TTLL9: variants seen among roughly 807,000 people sequenced by gnomAD.
TTLL9 encodes probable tubulin polyglutamylase TTLL9.
Under a neutral mutation model 65.6 loss-of-function variants are expected in TTLL9, and 47 were observed. That is an observed-to-expected ratio of 0.72 (90% CI 0.57 to 0.91). The LOEUF (loss-of-function observed/expected upper bound fraction) is 0.91. TTLL9 is among the 40% of genes least tolerant of loss of function. The probability of loss-of-function intolerance (pLI) is 0.00; values close to 1 mark genes in which losing one functional copy is unlikely to be tolerated. For synonymous variants in TTLL9, 179 were observed against 204.8 expected (o/e 0.87, Z 1.07); for missense variants, 537 against 568.8 (o/e 0.94, Z 0.57).
intron 10 of TTLL9, among the ~76,000 whole-genome samples, chr20:31,926,957 A>G (rs545161033): frequency 6.6e-6 from 1 of 152,014 alleles, no homozygotes; most frequent in Admixed American, 6.6e-5. Context: ...AAATAAAAAT[A>G]AAAATAAATT....
At chr20:31,901,673 G>A (rs1412991577) in intron 4 of TTLL9, among the ~76,000 whole-genome samples, 1 of 152,074 alleles carries the variant, frequency 6.6e-6, no homozygotes, top group Non-Finnish European at 1.5e-5. Context: ...CAACCTCAGG[G>A]CCCCAGTCCC....
intron 10 of TTLL9, among the ~76,000 whole-genome samples, chr20:31,927,472 C>A (rs981817410): frequency 3.0e-5 from 3 of 100,906 alleles, no homozygotes; most frequent in African/African-American, 4.0e-5. Context: ...CAAAATAAGA[C>A]TCTGTCTCAA....
chr20:31,939,370 A>G (rs898922602), intron 14 of TTLL9, 104 bp downstream of exon 14: 60 of 1,334,752 alleles, frequency 4.5e-5, no homozygotes, highest in Middle Eastern at 1.9e-4. Flanking sequence ...TTTGAATTCA[A>G]TCTGCAACTT....
At chr20:31,923,187 T>C in intron 8 of TTLL9, 134 bp downstream of exon 8, 1 of 691,518 alleles carries the variant, frequency 1.4e-6, no homozygotes, top group Non-Finnish European at 2.6e-6. Context: ...AGAGATGGGT[T>C]CTGCAGTCTC....
chr20:31,874,174 G>A (rs891364086), intron 2 of TTLL9, among the ~76,000 whole-genome samples: 1 of 152,174 alleles, frequency 6.6e-6, no homozygotes, highest in African/African-American at 2.4e-5. Flanking sequence ...AGCCCAATCT[G>A]TCTTAAATCA....
At position 31,884,906 on chromosome 20, in the gene TTLL9, G is replaced by A. The variant is rs142260033; in HGVS notation, c.70-2290G>A. ...ACATCTTTGGAGGTGGCCTTTTTCT[G>A]CTTATTACAATTTACTATCAGCAGG... is the stretch of plus-strand genomic sequence containing the variant. On this transcript the variant is annotated intron_variant, in intron 2 of 14. Coordinates refer to ENST00000535842, the MANE Select transcript of TTLL9 (RefSeq NM_001008409.5). Among the ~76,000 whole-genome samples, 406 of 152,212 alleles carry A rather than the reference G, an allele frequency of 2.7e-3. 4 individuals are homozygous for A. Among genetic ancestry groups the A allele is most frequent in the African/African-American group, 9.5e-3 (395 of 41,550 alleles).
chr20:31,925,943 A>C, intron 9 of TTLL9, 106 bp from the exon 10 acceptor site: 2 of 1,565,084 alleles, frequency 1.3e-6, no homozygotes, highest in Non-Finnish European at 1.7e-6. Context: ...TTCACACTGA[A>C]CAGCATTGAT....
intron 7 of TTLL9, among the ~76,000 whole-genome samples, chr20:31,922,301 GA>G (rs1402598893): frequency 6.6e-6 from 1 of 151,832 alleles, no homozygotes; most frequent in Non-Finnish European, 1.5e-5. Flanking sequence ...TCTGTAACAT[GA>G]AATTTACCAT....
intron 4 of TTLL9, among the ~76,000 whole-genome samples, chr20:31,907,479 T>C (rs759085962): frequency 6.6e-6 from 1 of 152,138 alleles, no homozygotes; most frequent in Non-Finnish European, 1.5e-5. Context: ...CCCAGCACTT[T>C]GGGAGGCCGA....
chr20:31,902,391 G>C (rs1454809705), intron 4 of TTLL9, among the ~76,000 whole-genome samples: 2 of 151,948 alleles, frequency 1.3e-5, no homozygotes, highest in East Asian at 3.9e-4. Context: ...CTTTTTGTTT[G>C]TTTGTTTGAG....
At chr20:31,916,874 G>T (rs1228925623) in intron 6 of TTLL9, among the ~76,000 whole-genome samples, 1 of 152,186 alleles carries the variant, frequency 6.6e-6, no homozygotes, top group Non-Finnish European at 1.5e-5. Context: ...GTCTCCTTAG[G>T]TCTGATTGGC....
At chr20:31,922,146 T>TCCCCCC (rs1182842388) in intron 7 of TTLL9, among the ~76,000 whole-genome samples, 2 of 151,902 alleles carry the variant, frequency 1.3e-5, no homozygotes, top group Admixed American at 6.6e-5. Flanking sequence ...TCACCTGTAA[T>TCCCCCC]CCCAGCTACT....
Position 31,933,223 on chromosome 20 carries a change from G to C in TTLL9, c.749-577G>C, listed in dbSNP as rs1424372850. Among the ~76,000 whole-genome samples, 9 of 152,140 alleles carry C rather than the reference G, an allele frequency of 5.9e-5. No individual in the cohort carries two copies. The East Asian group carries it at 1.7e-3, about 29-fold the overall frequency. Reference sequence around the variant, plus strand: ...GTCACTGGTGGTGACGATGGTGATGGTACTGAGAGGCCAAATCTCAGGGCT... The same window carrying C: ...GTCACTGGTGGTGACGATGGTGATGCTACTGAGAGGCCAAATCTCAGGGCT... On this transcript the variant is annotated intron_variant, in intron 10 of 14. Coordinates refer to ENST00000535842, the MANE Select transcript of TTLL9 (RefSeq NM_001008409.5).
At chr20:31,876,822 CAT>C (rs1222542178) in intron 2 of TTLL9, among the ~76,000 whole-genome samples, 2 of 152,136 alleles carry the variant, frequency 1.3e-5, no homozygotes, top group Non-Finnish European at 2.9e-5. Flanking sequence ...AAAACATTGA[CAT>C]ATTTTTTGTA....
At chr20:31,876,577 A>G (rs1305463854) in intron 2 of TTLL9, among the ~76,000 whole-genome samples, 1 of 152,252 alleles carries the variant, frequency 6.6e-6, no homozygotes, top group East Asian at 1.9e-4. Flanking sequence ...CATATGACCT[A>G]TGTAGTGGTG....
chr20:31,920,196 C>G (rs771699019), intron 7 of TTLL9, among the ~76,000 whole-genome samples: 13 of 151,840 alleles, frequency 8.6e-5, no homozygotes, highest in Non-Finnish European at 1.3e-4. Context: ...ATTATACCTG[C>G]TAAGGATGCA....
intron 4 of TTLL9, among the ~76,000 whole-genome samples, chr20:31,902,005 G>GA (rs2063486395): frequency 6.6e-6 from 1 of 152,154 alleles, no homozygotes; most frequent in African/African-American, 2.4e-5. Context: ...CATGTTGGAA[G>GA]AAAAAATATA....
At chr20:31,929,319 A>C (rs558330585) in intron 10 of TTLL9, among the ~76,000 whole-genome samples, 5 of 152,252 alleles carry the variant, frequency 3.3e-5, no homozygotes, top group African/African-American at 7.2e-5. Context: ...CTCTAATAAT[A>C]AAATAATAAA....
intron 12 of TTLL9, among the ~76,000 whole-genome samples, chr20:31,935,821 G>A (rs1287891310): frequency 6.6e-6 from 1 of 152,202 alleles, no homozygotes; most frequent in Non-Finnish European, 1.5e-5. Context: ...GGCCTGCTGA[G>A]ACCCCTAAAC....
Sources: gnomAD v4.1 joint callset for allele counts (sites outside exome capture counted in the v4.1 genomes callset) on GRCh38, gnomAD v4.1.1 for gene constraint, MANE v1.5 for transcripts, NCBI Gene and HGNC (gene_info 2026-07-23, HGNC 2026-07-21) for gene names.